The following FBXL17 variants were observed in gnomAD, a reference collection of about 807,000 sequenced individuals.
FBXL17 encodes F-box/LRR-repeat protein 17.
Under a neutral mutation model 66.2 loss-of-function variants are expected in FBXL17, and 22 were observed. The observed-to-expected ratio is 0.33, with a 90% CI of 0.24 to 0.47. FBXL17 has a LOEUF of 0.47. FBXL17 is among the 20% of genes least tolerant of loss of function. The pLI is 1.00. For synonymous variants in FBXL17, 474 were observed against 400.5 expected (o/e 1.18, Z -2.19); for missense variants, 878 against 948.2 (o/e 0.93, Z 0.97).
chr5:107,947,218 C>T (rs1021318157), intron 7 of FBXL17, among the ~76,000 whole-genome samples: 1 of 152,168 alleles, frequency 6.6e-6, no homozygotes, highest in Non-Finnish European at 1.5e-5. Flanking sequence ...GCAATGGAGA[C>T]GATTTCAAGG....
intron 7 of FBXL17, among the ~76,000 whole-genome samples, chr5:107,929,104 C>T (rs540866008): frequency 6.6e-6 from 1 of 152,288 alleles, no homozygotes; most frequent in South Asian, 2.1e-4. Context: ...CTCAAAGGAA[C>T]TTGCCATATT....
intron 4 of FBXL17, among the ~76,000 whole-genome samples, chr5:108,268,089 A>C (rs2150134082): frequency 6.6e-6 from 1 of 152,220 alleles, no homozygotes; most frequent in Middle Eastern, 3.4e-3. Context: ...GTATAGTAAT[A>C]AGAAAGAAAA....
At chr5:107,892,826 G>T (rs1484781527) in intron 7 of FBXL17, among the ~76,000 whole-genome samples, 2 of 152,006 alleles carry the variant, frequency 1.3e-5, no homozygotes, top group Non-Finnish European at 2.9e-5. Context: ...AATGATTTTT[G>T]CTATGGGCAT....
At chr5:108,310,835 C>T (rs748014357) in intron 4 of FBXL17, among the ~76,000 whole-genome samples, 75 of 152,286 alleles carry the variant, frequency 4.9e-4, no homozygotes, top group Middle Eastern at 3.4e-3. Flanking sequence ...CTTCTTTACA[C>T]ATGTCCTACA....
At chr5:108,045,146 T>C (rs774677816) in intron 6 of FBXL17, among the ~76,000 whole-genome samples, 1 of 152,160 alleles carries the variant, frequency 6.6e-6, no homozygotes, top group Non-Finnish European at 1.5e-5. Context: ...ATATTATCTT[T>C]ATAATTTCTT....
At chr5:108,188,277 G>A (rs557404199) in intron 5 of FBXL17, among the ~76,000 whole-genome samples, 2 of 152,270 alleles carry the variant, frequency 1.3e-5, no homozygotes, top group South Asian at 2.1e-4. Context: ...AATAGAGATA[G>A]CTGCGACAGA....
chr5:108,268,212 A>G (rs377245272), intron 4 of FBXL17, among the ~76,000 whole-genome samples: 1 of 152,094 alleles, frequency 6.6e-6, no homozygotes, highest in Non-Finnish European at 1.5e-5. Context: ...TGAATAAATC[A>G]TAAGTAAGTG....
intron 7 of FBXL17, among the ~76,000 whole-genome samples, chr5:107,908,886 G>A (rs2112543687): frequency 6.6e-6 from 1 of 152,248 alleles, no homozygotes; most frequent in Non-Finnish European, 1.5e-5. Context: ...GGCCCCCAAA[G>A]CCTCAGGCTT....
At chr5:108,348,654 A>C in intron 3 of FBXL17, 124 bp from the exon 4 acceptor site, 3 of 944,608 alleles carry the variant, frequency 3.2e-6, no homozygotes, top group Non-Finnish European at 4.7e-6. Flanking sequence ...TTACTTGTAA[A>C]ATAAGATAGA....
At chr5:108,137,869 G>C (rs550578607) in intron 6 of FBXL17, among the ~76,000 whole-genome samples, 1 of 152,256 alleles carries the variant, frequency 6.6e-6, no homozygotes, top group East Asian at 1.9e-4. Context: ...GAGTTGCTAA[G>C]AAATACATTA....
intron 4 of FBXL17, chr5:108,299,506 G>T: frequency 1.1e-6 from 1 of 945,650 alleles, no homozygotes; most frequent in East Asian, 1.2e-4. Context: ...GGAAAGAAAA[G>T]AAAACAGGAG....
At chr5:108,162,652 T>G (rs1752259844) in intron 6 of FBXL17, among the ~76,000 whole-genome samples, 1 of 152,194 alleles carries the variant, frequency 6.6e-6, no homozygotes, top group Admixed American at 6.5e-5. Context: ...TCAAAATAGC[T>G]CACTTGGGAT....
At chr5:108,335,471 A>G (rs1228010239) in intron 4 of FBXL17, among the ~76,000 whole-genome samples, 1 of 152,156 alleles carries the variant, frequency 6.6e-6, no homozygotes, top group Non-Finnish European at 1.5e-5. Context: ...AAATAACCTT[A>G]GACATGTACT....
chr5:108,294,343 C>T (rs1005646647), intron 4 of FBXL17, among the ~76,000 whole-genome samples: 3 of 149,374 alleles, frequency 2.0e-5, no homozygotes, highest in Non-Finnish European at 4.4e-5. Context: ...CAGGCTCTAA[C>T]CCAAAAAAGG....
chr5:108,107,940 C>T (rs995178362), intron 6 of FBXL17, among the ~76,000 whole-genome samples: 2 of 152,124 alleles, frequency 1.3e-5, no homozygotes, highest in Admixed American at 1.3e-4. Context: ...CCTATTAAGG[C>T]CCAATATAAT....
intron 6 of FBXL17, among the ~76,000 whole-genome samples, chr5:108,108,814 G>A (rs1015833273): frequency 2.2e-5 from 3 of 139,216 alleles, no homozygotes; most frequent in Non-Finnish European, 3.0e-5. Flanking sequence ...ACAGAGTTTC[G>A]CTCTTGTTGC....
At chr5:108,081,311 G>T (rs991540237) in intron 6 of FBXL17, among the ~76,000 whole-genome samples, 7 of 152,128 alleles carry the variant, frequency 4.6e-5, no homozygotes, top group Non-Finnish European at 1.0e-4. Flanking sequence ...CGGAAAGGAA[G>T]GATCGATTCA....
chr5:107,921,012 T>C (rs1561321572), intron 7 of FBXL17, among the ~76,000 whole-genome samples: 1 of 152,170 alleles, frequency 6.6e-6, no homozygotes, highest in African/African-American at 2.4e-5. Context: ...TACTATTATA[T>C]ACATTATAAA....
intron 7 of FBXL17, among the ~76,000 whole-genome samples, chr5:107,901,850 T>TGGGGAGATAATGGGGAAAGGTA (rs1749576463): frequency 6.6e-6 from 1 of 152,184 alleles, no homozygotes; most frequent in Non-Finnish European, 1.5e-5. Flanking sequence ...AATACTGAAA[T>TGGGGAGATAATGGGGAAAGGTA]GCCCTCCGTG....
Sources: allele counts gnomAD v4.1 joint callset (sites outside exome capture counted in the v4.1 genomes callset), GRCh38; gene constraint gnomAD v4.1.1; transcripts MANE v1.5; gene names NCBI Gene and HGNC (gene_info 2026-07-23, HGNC 2026-07-21).